Variants in RTN4 observed in about 807,000 individuals in gnomAD.
RTN4 encodes the protein reticulon 4.
In RTN4, 32 loss-of-function variants were observed where a neutral mutation model predicts 90.4. The ratio of observed to expected loss-of-function variants is 0.35; its 90% CI spans 0.27 to 0.48. The LOEUF is 0.48. Ranked by LOEUF, RTN4 falls within the 20% of genes least tolerant of loss-of-function variation. The pLI, the probability that RTN4 is intolerant of heterozygous loss-of-function variation, is 0.99. For synonymous variants in RTN4, 629 were observed against 552.5 expected, an observed-to-expected ratio of 1.14 and a Z score of -1.94; for missense variants, 1,706 against 1,430.2, an observed-to-expected ratio of 1.19 and a Z score of -3.11.
intron 2 of RTN4, among the ~76,000 whole-genome samples, chr2:55,062,163 T>C (rs1045620680): frequency 9.9e-5 from 15 of 152,038 alleles, no homozygotes; most frequent in Non-Finnish European, 1.9e-4. Flanking sequence ...CCATCTGCCT[T>C]CTGGCTCCTC....
At chr2:55,051,932 A>G (rs1426464807), upstream of RTN4, among the ~76,000 whole-genome samples, 1 of 152,208 alleles carries the variant, frequency 6.6e-6, no homozygotes. Context: ...TCTTTTGGAC[A>G]GTGCTAGTCT....
At chr2:55,122,496 T>C in the RTN4 span, among the ~76,000 whole-genome samples, 1 of 152,202 alleles carries the variant, frequency 6.6e-6, no homozygotes, top group African/African-American at 2.4e-5. Flanking sequence ...GTCCTGTGGC[T>C]ATTGTCTGAA....
chr2:54,996,416 G>A (rs1010063011), intron 3 of RTN4, among the ~76,000 whole-genome samples: 1 of 152,128 alleles, frequency 6.6e-6, no homozygotes. Flanking sequence ...TGGAGGACTC[G>A]AACCTCCCTA....
At chr2:55,105,217 T>C (rs973521397) in intron 1 of RTN4, among the ~76,000 whole-genome samples, 3 of 144,876 alleles carry the variant, frequency 2.1e-5, no homozygotes, top group African/African-American at 7.8e-5. Flanking sequence ...CCCCTTTTTT[T>C]GCTATTGAAG....
chr2:55,079,948 TA>T (rs1178589674), intron 2 of RTN4, among the ~76,000 whole-genome samples: 2 of 152,178 alleles, frequency 1.3e-5, no homozygotes, highest in Admixed American at 6.5e-5. Context: ...GTCCTTAATT[TA>T]AAAATGAATG....
At chr2:55,040,632 T>C (rs1235065503) in intron 1 of RTN4, among the ~76,000 whole-genome samples, 4 of 152,124 alleles carry the variant, frequency 2.6e-5, no homozygotes, top group Non-Finnish European at 5.9e-5. Context: ...GATCTGTAAA[T>C]ATGTCCTGTA....
chr2:55,049,684 C>T lies in RTN4; in HGVS notation c.556+61G>A, dbSNP rs1226020190. 2.7e-6 allele frequency: 4 copies of T among 1,478,466 alleles called. No homozygotes were observed. The African/African-American group carries it at 5.8e-5, about 21-fold the overall frequency. The allele number at this position is 1,478,466 out of a possible 1,614,324, so 91.6% of individuals were successfully genotyped here. On this transcript the variant is annotated intron_variant, in intron 1 of 8. Coordinates refer to ENST00000337526, the MANE Select transcript of RTN4 (RefSeq NM_020532.5). ...AGGGACCAGCCCAAAGCATCTGGGG[C>T]TGCACACAAAAGAGGGAGGGGCGCG...
At chr2:55,070,550 A>AG (rs1232681830) in intron 2 of RTN4, among the ~76,000 whole-genome samples, 1 of 143,040 alleles carries the variant, frequency 7.0e-6, no homozygotes, top group Admixed American at 7.0e-5. Context: ...TGTCTCAAAA[A>AG]AAAAAAAAAA....
chr2:55,029,861 C>T (rs1200387660), intron 1 of RTN4, among the ~76,000 whole-genome samples: 1 of 152,086 alleles, frequency 6.6e-6, no homozygotes, highest in African/African-American at 2.4e-5. Flanking sequence ...TATGTGTACA[C>T]ATATTTAAAA....
At chr2:55,092,875 T>C (rs776438905) in intron 1 of RTN4, among the ~76,000 whole-genome samples, 9 of 152,278 alleles carry the variant, frequency 5.9e-5, no homozygotes, top group Non-Finnish European at 8.8e-5. Flanking sequence ...TCTTTCAAAG[T>C]AGCCAGTTTT....
chr2:55,134,406 G>T, the RTN4 span, among the ~76,000 whole-genome samples: 454 of 152,124 alleles, frequency 3.0e-3, 2 homozygotes, highest in Middle Eastern at 0.014. Context: ...GTCTGTGTGG[G>T]GTCCAAGGCC....
At chr2:55,128,189 G>A in the RTN4 span, among the ~76,000 whole-genome samples, 1 of 152,118 alleles carries the variant, frequency 6.6e-6, no homozygotes, top group African/African-American at 2.4e-5. Flanking sequence ...TTTGAGGACA[G>A]AGCATGTCCT....
chr2:55,014,131 C>T (rs963237652), intron 3 of RTN4, among the ~76,000 whole-genome samples: 1 of 151,992 alleles, frequency 6.6e-6, no homozygotes, highest in Admixed American at 6.6e-5. Context: ...TAATATAATG[C>T]CCTCTATGGA....
chr2:55,067,470 T>C (rs1369179165), intron 2 of RTN4, among the ~76,000 whole-genome samples: 1 of 151,934 alleles, frequency 6.6e-6, no homozygotes. Flanking sequence ...TGGAGTGCAG[T>C]TGCACGATCT....
chr2:55,074,686 A>G (rs187658975), intron 2 of RTN4, among the ~76,000 whole-genome samples: 50 of 152,284 alleles, frequency 3.3e-4, no homozygotes, highest in African/African-American at 1.2e-3. Flanking sequence ...TCAACAAAAT[A>G]CTAGTTTACC....
chr2:55,033,636 G>C (rs1049599761), intron 1 of RTN4, among the ~76,000 whole-genome samples: 1 of 152,184 alleles, frequency 6.6e-6, no homozygotes, highest in African/African-American at 2.4e-5. Flanking sequence ...GTGCCTTACA[G>C]AGAAAACATA....
the RTN4 span, among the ~76,000 whole-genome samples, chr2:55,136,594 GAATC>G: frequency 2.0e-5 from 3 of 152,220 alleles, no homozygotes; most frequent in African/African-American, 2.4e-5. Context: ...GAGGCGGCAA[GAATC>G]AAGCTGCCAC....
chr2:55,007,677 T>C (rs562452246), intron 3 of RTN4, among the ~76,000 whole-genome samples: 4 of 152,276 alleles, frequency 2.6e-5, no homozygotes, highest in Admixed American at 2.0e-4. Flanking sequence ...TGCCAGGCCC[T>C]ACAAAATCTG....
intron 1 of RTN4, among the ~76,000 whole-genome samples, chr2:55,093,345 A>G (rs1668973684): frequency 6.6e-6 from 1 of 151,030 alleles, no homozygotes; most frequent in Non-Finnish European, 1.5e-5. Flanking sequence ...TTACAAACAC[A>G]TAAACATATG....
Sources: allele counts gnomAD v4.1 joint callset (sites outside exome capture counted in the v4.1 genomes callset), GRCh38; gene constraint gnomAD v4.1.1; transcripts MANE v1.5; gene names NCBI Gene and HGNC (gene_info 2026-07-23, HGNC 2026-07-21).